PRKG1: variants seen among roughly 807,000 people sequenced by gnomAD.
The protein encoded by PRKG1 is cGMP-dependent protein kinase 1.
In PRKG1, 35 loss-of-function variants were observed where a neutral mutation model predicts 88.1. The observed-to-expected ratio is 0.40, with a 90% confidence interval of 0.30 to 0.53. The LOEUF (loss-of-function observed/expected upper bound fraction) is 0.53. Ranked by LOEUF, PRKG1 falls within the 20% of genes least tolerant of loss-of-function variation. PRKG1 has a pLI of 0.59. For synonymous variants in PRKG1, 303 were observed against 292.5 expected (o/e 1.04, Z -0.37); for missense variants, 540 against 839.8 (o/e 0.64, Z 4.41).
intron 3 of PRKG1, among the ~76,000 whole-genome samples, chr10:51,485,741 A>G (rs1564518540): frequency 6.6e-6 from 1 of 152,184 alleles, no homozygotes; most frequent in Non-Finnish European, 1.5e-5. Context: ...TTCTTTGGAA[A>G]CAAAAGGGGC....
chr10:51,225,206 T>TG (rs1161251605), intron 2 of PRKG1, among the ~76,000 whole-genome samples: 1 of 152,230 alleles, frequency 6.6e-6, no homozygotes, highest in African/African-American at 2.4e-5. Context: ...CACATACGTG[T>TG]TGCCTCCTCT....
intron 9 of PRKG1, among the ~76,000 whole-genome samples, chr10:52,238,641 G>A (rs1421825944): frequency 6.7e-6 from 1 of 149,634 alleles, no homozygotes; most frequent in African/African-American, 2.4e-5. Context: ...ACACCAGTTA[G>A]AATGGCAATC....
At chr10:52,259,497 T>C (rs902684242) in intron 10 of PRKG1, among the ~76,000 whole-genome samples, 2 of 152,130 alleles carry the variant, frequency 1.3e-5, no homozygotes, top group Non-Finnish European at 2.9e-5. Context: ...TCTGTATGTT[T>C]CAATATATCT....
chr10:51,841,292 G>A (rs577969201), intron 4 of PRKG1, among the ~76,000 whole-genome samples: 7 of 152,132 alleles, frequency 4.6e-5, no homozygotes, highest in Non-Finnish European at 7.3e-5. Context: ...CCAGGTTTCA[G>A]GACTTCATGG....
intron 7 of PRKG1, among the ~76,000 whole-genome samples, chr10:52,069,788 A>G (rs1846450347): frequency 6.6e-6 from 1 of 151,914 alleles, no homozygotes; most frequent in African/African-American, 2.4e-5. Flanking sequence ...TATTGTGTAT[A>G]TATGTATTCA....
intron 4 of PRKG1, among the ~76,000 whole-genome samples, chr10:51,902,082 T>A (rs1227423359): frequency 1.3e-5 from 2 of 152,014 alleles, no homozygotes; most frequent in East Asian, 3.9e-4. Context: ...ATTCTTAAAT[T>A]AAGAAAATAT....
chr10:51,607,407 C>T (rs558241089), intron 3 of PRKG1, among the ~76,000 whole-genome samples: 5 of 152,150 alleles, frequency 3.3e-5, no homozygotes, highest in Admixed American at 1.3e-4. Context: ...CGAGGGAAAA[C>T]GTCTGCCCTT....
chr10:51,290,961 T>TAA (rs1382417070), intron 2 of PRKG1, among the ~76,000 whole-genome samples: 2 of 152,210 alleles, frequency 1.3e-5, no homozygotes, highest in African/African-American at 2.4e-5. Flanking sequence ...ATATATACTA[T>TAA]AAGCTATACT....
In PRKG1 at chr10:51,273,456, C is replaced by T. The variant is rs560977985; in HGVS notation, c.478+120126C>T. Among the ~76,000 whole-genome samples, 11 of 151,934 alleles carry T rather than the reference C, an allele frequency of 7.2e-5. No homozygotes were observed. The South Asian group carries it at 2.3e-3, about 32-fold the overall frequency. The stretch of plus-strand genomic sequence containing the variant: ...GGAGGATCGCTGGAGTCCAGGAGGT[C>T]GAGGCTACAGTGAGCCATGATCGCG... On this transcript the variant is annotated intron_variant, in intron 2 of 17. Coordinates refer to ENST00000373980, the MANE Select transcript of PRKG1 (RefSeq NM_006258.4).
At chr10:51,073,633 C>G (rs146198728), upstream of PRKG1, among the ~76,000 whole-genome samples, 1,147 of 152,214 alleles carry the variant, frequency 7.5e-3, 18 homozygotes, top group African/African-American at 0.027. Flanking sequence ...AAAACAGTTC[C>G]CCGATGAGAG....
chr10:52,273,565 G>T (rs1422467891), intron 12 of PRKG1, among the ~76,000 whole-genome samples: 1 of 151,954 alleles, frequency 6.6e-6, no homozygotes, highest in Non-Finnish European at 1.5e-5. Context: ...TGTTCTTATG[G>T]TACCTTCATA....
intron 3 of PRKG1, among the ~76,000 whole-genome samples, chr10:51,486,110 T>A (rs1010395111): frequency 5.9e-5 from 9 of 152,186 alleles, no homozygotes; most frequent in Non-Finnish European, 1.0e-4. Context: ...TATTATTATT[T>A]TTGTTTGCGA....
At chr10:52,157,721 T>C (rs1038403532) in intron 8 of PRKG1, among the ~76,000 whole-genome samples, 13 of 151,274 alleles carry the variant, frequency 8.6e-5, no homozygotes, top group African/African-American at 3.1e-4. Context: ...TGTGTAAGAG[T>C]TATAGTTTCT....
At chr10:51,272,354 C>T (rs184165239) in intron 2 of PRKG1, among the ~76,000 whole-genome samples, 179 of 141,512 alleles carry the variant, frequency 1.3e-3, no homozygotes, top group African/African-American at 4.9e-3. Context: ...CTGGGCTTAT[C>T]GTGGGGTGGG....
chr10:51,280,555 G>A (rs959764955), intron 2 of PRKG1, among the ~76,000 whole-genome samples: 4 of 152,152 alleles, frequency 2.6e-5, no homozygotes, highest in African/African-American at 9.7e-5. Context: ...ATTTCTTGGA[G>A]GCTTTGTTCA....
At chr10:51,316,025 T>C (rs1249501399) in intron 2 of PRKG1, among the ~76,000 whole-genome samples, 1 of 152,238 alleles carries the variant, frequency 6.6e-6, no homozygotes, top group African/African-American at 2.4e-5. Context: ...ACAGGATCAA[T>C]GAAAATACTA....
chr10:52,106,354 T>G (rs1847421451), intron 7 of PRKG1, among the ~76,000 whole-genome samples: 1 of 152,196 alleles, frequency 6.6e-6, no homozygotes. Context: ...GTGAACAGTT[T>G]TGTTACTGTA....
intron 7 of PRKG1, among the ~76,000 whole-genome samples, chr10:52,129,613 T>C (rs929641548): frequency 6.6e-6 from 1 of 152,204 alleles, no homozygotes; most frequent in African/African-American, 2.4e-5. Flanking sequence ...GACACCGTCA[T>C]GGCAACATGA....
chr10:51,911,335 A>C (rs74967871), intron 5 of PRKG1: 2 of 146,630 alleles, frequency 1.4e-5, no homozygotes, highest in South Asian at 4.2e-4. Context: ...AAAAAAAAAA[A>C]CCCAACAAAA....
Sources: allele counts gnomAD v4.1 joint callset (sites outside exome capture counted in the v4.1 genomes callset), GRCh38; gene constraint gnomAD v4.1.1; transcripts MANE v1.5; gene names NCBI Gene and HGNC (gene_info 2026-07-23, HGNC 2026-07-21).